Variants in ARHGAP42 observed in about 807,000 individuals in gnomAD.
ARHGAP42 encodes rho GTPase-activating protein 42.
ARHGAP42 carries 63 observed loss-of-function variants against 125.0 expected under a neutral mutation model. The observed-to-expected ratio is 0.50, with a 90% CI of 0.41 to 0.62. ARHGAP42 has a LOEUF of 0.62. ARHGAP42 is among the 20% of genes least tolerant of loss of function. The pLI, the probability that ARHGAP42 is intolerant of heterozygous loss-of-function variation, is 0.00. For missense variants in ARHGAP42, 766 were observed against 1,024.2 expected (o/e 0.75, Z 3.44); for synonymous variants, 339 against 351.0 (o/e 0.97, Z 0.38).
At chr11:100,853,004 T>C (rs1454264402) in intron 3 of ARHGAP42, among the ~76,000 whole-genome samples, 2 of 152,180 alleles carry the variant, frequency 1.3e-5, no homozygotes, top group Non-Finnish European at 2.9e-5. Context: ...TTCTTAAATC[T>C]CTCTCTGAGA....
intron 3 of ARHGAP42, among the ~76,000 whole-genome samples, chr11:100,857,097 C>G (rs1224910438): frequency 6.6e-6 from 1 of 152,044 alleles, no homozygotes; most frequent in African/African-American, 2.4e-5. Context: ...TAGAAACACT[C>G]AAGAAATCAT....
chr11:100,751,207 G>T (rs1591150661), intron 1 of ARHGAP42, among the ~76,000 whole-genome samples: 1 of 151,484 alleles, frequency 6.6e-6, no homozygotes, highest in African/African-American at 2.4e-5. Flanking sequence ...CCAAAGAGCT[G>T]GGATTATAGG....
chr11:100,939,429 G>C (rs552998096), intron 8 of ARHGAP42, among the ~76,000 whole-genome samples: 1 of 152,074 alleles, frequency 6.6e-6, no homozygotes, highest in South Asian at 2.1e-4. Context: ...TTCTAAAATA[G>C]CTTGAAAATA....
At chr11:100,742,963 C>T (rs894786668) in intron 1 of ARHGAP42, among the ~76,000 whole-genome samples, 6 of 152,082 alleles carry the variant, frequency 3.9e-5, no homozygotes, top group Admixed American at 2.0e-4. Context: ...TGAATCCTTA[C>T]ATGTTAGGTG....
chr11:100,875,107 CTGTGTGTGTGTG>C (rs67247250), intron 4 of ARHGAP42, among the ~76,000 whole-genome samples: 2,769 of 81,866 alleles, frequency 0.034, 42 homozygotes, highest in Admixed American at 0.045. Context: ...CTCTCTCTCT[CTGTGTGTGTGTG>C]TGTGTGTGTG....
At chr11:100,878,144 T>G (rs2135171481) in intron 4 of ARHGAP42, among the ~76,000 whole-genome samples, 1 of 152,222 alleles carries the variant, frequency 6.6e-6, no homozygotes, top group South Asian at 2.1e-4. Context: ...TTTTCTTTTT[T>G]TGAGATGGAG....
rs1858841492 is a variant in ARHGAP42 at position 100,991,959 on chromosome 11, C to G, written c.*3158C>G. On this transcript the variant is annotated 3_prime_UTR_variant, in exon 24 of 24. Coordinates refer to ENST00000298815, the MANE Select transcript of ARHGAP42 (RefSeq NM_152432.4). ...TTTATTATTATTCGATGATAATTAG[C>G]TTTATATAATGTGGCATCCTTCATA... 1 of 205,258 alleles carries G rather than the reference C, an allele frequency of 4.9e-6. No individual in the cohort carries two copies. The highest frequency in any genetic ancestry group is 2.3e-5 in the African/African-American group (1 of 43,598). The allele number at this position is 205,258 out of a possible 1,614,324, so 12.7% of individuals were successfully genotyped here.
chr11:100,882,553 G>GAA, intron 4 of ARHGAP42, among the ~76,000 whole-genome samples: 1 of 151,212 alleles, frequency 6.6e-6, no homozygotes, highest in African/African-American at 2.4e-5. Flanking sequence ...ATATTGGTCT[G>GAA]TAGTTTTCTC....
At chr11:100,745,138 G>T (rs1339598558) in intron 1 of ARHGAP42, among the ~76,000 whole-genome samples, 2 of 152,194 alleles carry the variant, frequency 1.3e-5, no homozygotes, top group Admixed American at 1.3e-4. Context: ...GAATAAGTCA[G>T]GGTGGAGAAG....
chr11:100,944,282 C>A (rs1244898210), intron 10 of ARHGAP42, among the ~76,000 whole-genome samples: 1 of 152,044 alleles, frequency 6.6e-6, no homozygotes, highest in East Asian at 1.9e-4. Flanking sequence ...TTTCAGCCAA[C>A]TAAGTTTAAT....
At chr11:100,778,510 C>G (rs898567780) in intron 2 of ARHGAP42, among the ~76,000 whole-genome samples, 1 of 151,908 alleles carries the variant, frequency 6.6e-6, no homozygotes, top group Non-Finnish European at 1.5e-5. Flanking sequence ...GCAGAGGAAG[C>G]ATATTTTACT....
chr11:100,940,965 C>G (rs1277223959), intron 8 of ARHGAP42, among the ~76,000 whole-genome samples: 2 of 152,012 alleles, frequency 1.3e-5, no homozygotes, highest in Non-Finnish European at 2.9e-5. Flanking sequence ...CAGTGATAAC[C>G]GCTAAGAAGA....
intron 5 of ARHGAP42, among the ~76,000 whole-genome samples, chr11:100,916,414 T>C (rs1459645081): frequency 6.6e-6 from 1 of 152,012 alleles, no homozygotes; most frequent in South Asian, 2.1e-4. Flanking sequence ...GGAAAATCAG[T>C]GTCAGAAAGG....
In ARHGAP42 at chr11:100,687,296, G is replaced by A. The variant is rs1004436016; in HGVS notation, c.-383G>A. ...TGCGCTGCTTCTGGCTCACAACGCC[G>A]ACGACTGTCAAGAGAGTTGGGGAGT... On this transcript the variant is annotated 5_prime_UTR_variant, in exon 1 of 24. Transcript: ENST00000298815. 2.6e-5 allele frequency among the ~76,000 whole-genome samples: 4 copies of A among 152,134 alleles called. No individual in the cohort carries two copies. Among genetic ancestry groups the A allele is most frequent in the Admixed American group, 6.5e-5 (1 of 15,284 alleles).
At chr11:100,895,493 C>CCTTT (rs1565263603) in intron 4 of ARHGAP42, among the ~76,000 whole-genome samples, 4 of 123,484 alleles carry the variant, frequency 3.2e-5, no homozygotes, top group Non-Finnish European at 1.7e-5. Context: ...AAAAGAGCAA[C>CCTTT]TTTTTTTTTT....
At chr11:100,845,436 C>T (rs1318489234) in intron 3 of ARHGAP42, among the ~76,000 whole-genome samples, 1 of 151,970 alleles carries the variant, frequency 6.6e-6, no homozygotes, top group East Asian at 1.9e-4. Context: ...CAAAATCTCA[C>T]CAGTCACCAC....
intron 1 of ARHGAP42, among the ~76,000 whole-genome samples, chr11:100,699,711 T>A (rs1444175160): frequency 6.6e-6 from 1 of 151,448 alleles, no homozygotes. Context: ...TTAGTACATA[T>A]GGGGTTTCAC....
intron 2 of ARHGAP42, among the ~76,000 whole-genome samples, chr11:100,790,944 T>C (rs919200936): frequency 6.6e-6 from 1 of 152,210 alleles, no homozygotes; most frequent in Non-Finnish European, 1.5e-5. Context: ...TTGCTGATAA[T>C]TGAGTATTAG....
intron 16 of ARHGAP42, among the ~76,000 whole-genome samples, chr11:100,965,233 A>C (rs561268): frequency 1.3e-5 from 2 of 152,010 alleles, no homozygotes; most frequent in South Asian, 2.1e-4. Context: ...ACTACAATTC[A>C]AGATGAGATT....
Sources: allele counts gnomAD v4.1 joint callset (sites outside exome capture counted in the v4.1 genomes callset), GRCh38; gene constraint gnomAD v4.1.1; transcripts MANE v1.5; gene names NCBI Gene and HGNC (gene_info 2026-07-23, HGNC 2026-07-21).